Variants in ROR1 observed in about 807,000 individuals in gnomAD.
The protein encoded by ROR1 is ROR family WNT receptor 1.
Under a neutral mutation model 78.8 loss-of-function variants are expected in ROR1, and 19 were observed. The ratio of observed to expected loss-of-function variants is 0.24; its 90% CI spans 0.17 to 0.35. ROR1 has a LOEUF of 0.35. ROR1 is among the 10% of genes least tolerant of loss of function. ROR1 has a pLI of 1.00. For synonymous variants in ROR1, 386 were observed against 433.6 expected, an observed-to-expected ratio of 0.89 and a Z score of 1.36; for missense variants, 917 against 1,177.8, an observed-to-expected ratio of 0.78 and a Z score of 3.24.
chr1:63,975,728 T>C (rs1006824848), intron 1 of ROR1, among the ~76,000 whole-genome samples: 32 of 152,200 alleles, frequency 2.1e-4, no homozygotes, highest in African/African-American at 7.5e-4. Flanking sequence ...AGGTTTATGC[T>C]ATACAATCTG....
At chr1:63,904,422 G>A (rs1471353001) in intron 1 of ROR1, among the ~76,000 whole-genome samples, 3 of 152,124 alleles carry the variant, frequency 2.0e-5, no homozygotes, top group African/African-American at 7.2e-5. Flanking sequence ...GATGTAAGGT[G>A]GCCCCTGTGC....
At chr1:64,136,144 A>G (rs1401407264) in intron 4 of ROR1, among the ~76,000 whole-genome samples, 2 of 152,202 alleles carry the variant, frequency 1.3e-5, no homozygotes, top group South Asian at 2.1e-4. Context: ...AAAAGCTTTT[A>G]CATTATCTGA....
intron 1 of ROR1, among the ~76,000 whole-genome samples, chr1:63,945,302 C>G (rs1645875386): frequency 6.6e-6 from 1 of 152,072 alleles, no homozygotes; most frequent in Non-Finnish European, 1.5e-5. Flanking sequence ...ACACTCAGTC[C>G]CATGTAAATA....
intron 1 of ROR1, among the ~76,000 whole-genome samples, chr1:63,990,636 A>G (rs1395123608): frequency 6.6e-6 from 1 of 152,190 alleles, no homozygotes; most frequent in Non-Finnish European, 1.5e-5. Context: ...GGGAAGTTGT[A>G]ATTTTGTCAA....
intron 1 of ROR1, among the ~76,000 whole-genome samples, chr1:63,948,420 T>C (rs1283911010): frequency 6.6e-6 from 1 of 152,132 alleles, no homozygotes; most frequent in East Asian, 1.9e-4. Context: ...GAGAGTTTCT[T>C]TTCCTGATAA....
At chr1:63,851,797 T>G (rs926786912) in intron 1 of ROR1, among the ~76,000 whole-genome samples, 2 of 152,252 alleles carry the variant, frequency 1.3e-5, no homozygotes. Flanking sequence ...AAATGATTTG[T>G]AATGATTTTG....
chr1:63,976,981 G>A (rs1646166588), intron 1 of ROR1, among the ~76,000 whole-genome samples: 1 of 152,176 alleles, frequency 6.6e-6, no homozygotes, highest in Non-Finnish European at 1.5e-5. Context: ...ATCTGGGGAA[G>A]CCTCAGGAAA....
chr1:64,088,325 A>T (rs1191102247), intron 4 of ROR1, among the ~76,000 whole-genome samples: 2 of 152,148 alleles, frequency 1.3e-5, no homozygotes, highest in African/African-American at 4.8e-5. Flanking sequence ...GAGTCTTACC[A>T]GGTGCCAACC....
At chr1:63,972,150 C>A (rs1461862451) in intron 1 of ROR1, among the ~76,000 whole-genome samples, 1 of 152,146 alleles carries the variant, frequency 6.6e-6, no homozygotes, top group East Asian at 1.9e-4. Flanking sequence ...CCTGTTTTCC[C>A]TTTCTATATT....
intron 1 of ROR1, among the ~76,000 whole-genome samples, chr1:63,837,848 T>G (rs1645027787): frequency 6.6e-6 from 1 of 152,192 alleles, no homozygotes. Context: ...TATGTAATTG[T>G]GTATGAGCTA....
In ROR1 at chr1:63,778,654, T is replaced by C. The variant is rs181309978; in HGVS notation, c.91+4146T>C. On this transcript the variant is annotated intron_variant, in intron 1 of 8. Coordinates refer to ENST00000371079, the MANE Select transcript of ROR1 (RefSeq NM_005012.4). ...GTACAGTTTATTTAACAAACACTTA[T>C]CTAATCCTTACAATGGGCCAATCAC... is the stretch of plus-strand genomic sequence containing the variant. Among the ~76,000 whole-genome samples, 9 of 152,356 alleles carry C rather than the reference T, an allele frequency of 5.9e-5. No individual in the cohort carries two copies. The East Asian group carries it at 1.5e-3, about 26-fold the overall frequency.
chr1:63,798,241 A>C (rs779394888), intron 1 of ROR1, among the ~76,000 whole-genome samples: 12 of 152,182 alleles, frequency 7.9e-5, no homozygotes, highest in Non-Finnish European at 1.3e-4. Flanking sequence ...CAGACCATCC[A>C]CATTGGAGCC....
intron 1 of ROR1, among the ~76,000 whole-genome samples, chr1:63,981,341 C>T (rs531192911): frequency 1.3e-5 from 2 of 152,208 alleles, no homozygotes; most frequent in East Asian, 3.9e-4. Context: ...ATCCCAAATG[C>T]AGTAGCCAAG....
intron 1 of ROR1, among the ~76,000 whole-genome samples, chr1:64,000,379 C>T (rs928322872): frequency 2.0e-5 from 3 of 152,086 alleles, no homozygotes; most frequent in Admixed American, 6.6e-5. Context: ...TCTTCTGAGG[C>T]CAGAAATAAA....
intron 7 of ROR1, among the ~76,000 whole-genome samples, chr1:64,143,724 A>G (rs911262499): frequency 6.6e-6 from 1 of 152,218 alleles, no homozygotes; most frequent in Non-Finnish European, 1.5e-5. Context: ...TAGCACATCC[A>G]CAAAGAAGCA....
chr1:64,014,048 G>A (rs1444473671), intron 2 of ROR1, among the ~76,000 whole-genome samples: 1 of 152,250 alleles, frequency 6.6e-6, no homozygotes, highest in East Asian at 1.9e-4. Flanking sequence ...TTTGATGGAG[G>A]GGAAGTGCCA....
intron 1 of ROR1, among the ~76,000 whole-genome samples, chr1:63,787,606 A>C (rs1383127588): frequency 6.6e-6 from 1 of 150,692 alleles, no homozygotes; most frequent in Non-Finnish European, 1.5e-5. Flanking sequence ...AGCTCACTAC[A>C]ACCTCCGCCT....
At chr1:64,072,977 A>G (rs1413031771) in intron 4 of ROR1, among the ~76,000 whole-genome samples, 1 of 152,218 alleles carries the variant, frequency 6.6e-6, no homozygotes, top group Non-Finnish European at 1.5e-5. Flanking sequence ...TGAAAAAACA[A>G]GATAAATAAA....
chr1:64,158,840 G>C lies in ROR1; in HGVS notation c.1175-141G>C, dbSNP rs1027534425. The C allele has an allele frequency of 1.4e-5, 9 of 637,040 alleles. No homozygotes were observed. The African/African-American group carries it at 1.5e-4, about 10-fold the overall frequency. The allele number at this position is 637,040 out of a possible 1,614,324, so 39.5% of individuals were successfully genotyped here. ...GTTTGATGGAAACAAATGGTAATAA[G>C]CAGTGGATTCCTTTCTTCTCACAGT... On this transcript the variant is annotated intron_variant, in intron 7 of 8. Coordinates refer to ENST00000371079, the MANE Select transcript of ROR1 (RefSeq NM_005012.4).
Sources: allele counts gnomAD v4.1 joint callset (sites outside exome capture counted in the v4.1 genomes callset), GRCh38; gene constraint gnomAD v4.1.1; transcripts MANE v1.5; gene names NCBI Gene and HGNC (gene_info 2026-07-23, HGNC 2026-07-21).